ABCA9: variants seen among roughly 807,000 people sequenced by gnomAD.
ABCA9 encodes the protein ATP-binding cassette sub-family A member 9.
Under a neutral mutation model 205.3 loss-of-function variants are expected in ABCA9, and 183 were observed. The observed-to-expected ratio is 0.89, with a 90% CI of 0.79 to 1.01. ABCA9 has a LOEUF of 1.01. Among genes scored for constraint, ABCA9 ranks in the 50% least tolerant of loss-of-function variants. ABCA9 has a pLI of 0.00. For synonymous variants in ABCA9, 651 were observed against 683.3 expected (o/e 0.95, Z 0.74); for missense variants, 1,805 against 1,912.4 (o/e 0.94, Z 1.05).
chr17:68,989,192 T>C (rs1042889304), intron 30 of ABCA9, 74 bp from the exon 31 acceptor site: 1 of 939,076 alleles, frequency 1.1e-6, no homozygotes, highest in Non-Finnish European at 1.7e-6. Context: ...ATTTGAGGGC[T>C]GTGTGTCAAG....
intron 30 of ABCA9, among the ~76,000 whole-genome samples, chr17:68,989,549 A>C (rs2069376541): frequency 6.6e-6 from 1 of 152,114 alleles, no homozygotes; most frequent in Admixed American, 6.5e-5. Flanking sequence ...GTTACCTAAA[A>C]ACTATACCAT....
intron 22 of ABCA9, 180 bp from the exon 23 acceptor site, chr17:69,012,263 T>A: frequency 2.1e-6 from 1 of 480,206 alleles, no homozygotes; most frequent in Non-Finnish European, 3.7e-6. Context: ...AACTAGGACC[T>A]TCTGAACACG....
intron 37 of ABCA9, 45 bp downstream of exon 37, chr17:68,982,517 G>C (rs1451716361): frequency 1.1e-5 from 16 of 1,427,376 alleles, no homozygotes; most frequent in African/African-American, 1.4e-5. Context: ...TCAGATTTAG[G>C]CTTATCTGTT....
Position 69,021,900 on chromosome 17 carries a change from T to A in ABCA9, c.2282-39A>T, listed in dbSNP as rs529844553. On this transcript the variant is annotated intron_variant, in intron 17 of 38. Transcript: ENST00000340001. ...CAAAAACAGATTATAAGAATATAAT[T>A]TATAATGAGAACCATATTTCTCAAA... The A allele has an allele frequency of 1.7e-5, 22 of 1,320,022 alleles. No individual in the cohort carries two copies. In the South Asian group the frequency reaches 3.6e-4, roughly 21 times the overall value. 81.8% of individuals were successfully genotyped at this position (1,320,022 alleles called of 1,614,324 possible).
intron 20 of ABCA9, 53 bp downstream of exon 20, chr17:69,018,360 G>T: frequency 1.5e-6 from 2 of 1,373,904 alleles, no homozygotes; most frequent in Non-Finnish European, 1.9e-6. Context: ...TTTTTGGGGG[G>T]AATCTCTCAA....
intron 31 of ABCA9, chr17:68,986,626 G>A: frequency 4.0e-6 from 1 of 250,822 alleles, no homozygotes; most frequent in Non-Finnish European, 7.5e-6. Flanking sequence ...AACATTCAAA[G>A]GAATAGATAC....
intron 31 of ABCA9, among the ~76,000 whole-genome samples, chr17:68,987,415 C>T (rs1567916540): frequency 6.6e-6 from 1 of 152,174 alleles, no homozygotes; most frequent in Non-Finnish European, 1.5e-5. Context: ...CTGCCTTGTG[C>T]TTTCAAGGAA....
chr17:68,999,343 T>C (rs1287844640), intron 25 of ABCA9, among the ~76,000 whole-genome samples: 2 of 136,818 alleles, frequency 1.5e-5, no homozygotes, highest in Admixed American at 7.5e-5. Flanking sequence ...GATCTCATTG[T>C]TCAATTCCCA....
intron 25 of ABCA9, among the ~76,000 whole-genome samples, chr17:69,005,384 A>C (rs906791485): frequency 6.6e-6 from 1 of 152,152 alleles, no homozygotes; most frequent in East Asian, 1.9e-4. Context: ...GCCACAGTCC[A>C]ATTCAGTCCA....
intron 6 of ABCA9, among the ~76,000 whole-genome samples, chr17:69,036,064 A>G (rs960350744): frequency 1.3e-5 from 2 of 152,210 alleles, no homozygotes; most frequent in African/African-American, 2.4e-5. Context: ...AGAGGTTTCC[A>G]GAGAGAGCTT....
chr17:69,038,964 T>C (rs768516039), intron 6 of ABCA9, among the ~76,000 whole-genome samples: 10 of 152,126 alleles, frequency 6.6e-5, no homozygotes, highest in African/African-American at 1.7e-4. Context: ...CCATTCACAA[T>C]TGCTACAAAG....
At chr17:69,029,326 TG>T in intron 10 of ABCA9, 99 bp from the exon 11 acceptor site, 1 of 673,154 alleles carries the variant, frequency 1.5e-6, no homozygotes, top group Non-Finnish European at 2.4e-6. Flanking sequence ...AAAGAAAATC[TG>T]GGATTCTTTT....
At chr17:69,040,826 C>T (rs567064040) in intron 6 of ABCA9, among the ~76,000 whole-genome samples, 1 of 151,938 alleles carries the variant, frequency 6.6e-6, no homozygotes, top group African/African-American at 2.4e-5. Flanking sequence ...TTTATACATA[C>T]CCACAGGACA....
chr17:69,061,073 G>A, upstream of ABCA9: 4 of 985,346 alleles, frequency 4.1e-6, no homozygotes, highest in Non-Finnish European at 4.8e-6. Flanking sequence ...CTGCTCACGT[G>A]GTGATTTCTT....
intron 37 of ABCA9, among the ~76,000 whole-genome samples, chr17:68,977,589 C>T (rs916046976): frequency 1.3e-5 from 2 of 152,124 alleles, no homozygotes; most frequent in African/African-American, 4.8e-5. Flanking sequence ...GCATGTGAGG[C>T]TAGGGTTTTG....
intron 4 of ABCA9, 44 bp downstream of exon 4, chr17:69,045,128 C>G (rs780942170): frequency 6.4e-7 from 1 of 1,561,516 alleles, no homozygotes; most frequent in Non-Finnish European, 8.7e-7. Flanking sequence ...TTTGTGGCTA[C>G]TGATACAATA....
At chr17:69,021,379 C>T (rs1338701683) in intron 18 of ABCA9, among the ~76,000 whole-genome samples, 1 of 152,098 alleles carries the variant, frequency 6.6e-6, no homozygotes, top group African/African-American at 2.4e-5. Context: ...AAAGCAACAA[C>T]TAAATCCCAG....
intron 22 of ABCA9, among the ~76,000 whole-genome samples, chr17:69,012,513 T>C (rs2070417564): frequency 6.6e-6 from 1 of 151,376 alleles, no homozygotes; most frequent in South Asian, 2.1e-4. Context: ...TTAGGCACTA[T>C]GTTAAAAAAA....
intron 26 of ABCA9, among the ~76,000 whole-genome samples, chr17:68,995,259 A>G (rs1273081016): frequency 6.6e-6 from 1 of 152,136 alleles, no homozygotes; most frequent in Admixed American, 6.5e-5. Flanking sequence ...ACAGAAGGCT[A>G]CCATTTTTGT....
Sources: allele counts gnomAD v4.1 joint callset (sites outside exome capture counted in the v4.1 genomes callset), GRCh38; gene constraint gnomAD v4.1.1; transcripts MANE v1.5; gene names NCBI Gene and HGNC (gene_info 2026-07-23, HGNC 2026-07-21).